The following SMAP2 variants were observed in gnomAD, a reference collection of about 807,000 sequenced individuals.
SMAP2 encodes the protein small ArfGAP2, also known as stromal membrane-associated protein 2.
In SMAP2, 25 loss-of-function variants were observed where a neutral mutation model predicts 56.4. The ratio of observed to expected loss-of-function variants is 0.44; its 90% CI spans 0.32 to 0.62. The LOEUF (loss-of-function observed/expected upper bound fraction) is 0.62. Among genes scored for constraint, SMAP2 ranks in the 20% least tolerant of loss-of-function variants. SMAP2 has a pLI of 0.04. For synonymous variants in SMAP2, 157 were observed against 181.7 expected (o/e 0.86, Z 1.09); for missense variants, 388 against 545.6 (o/e 0.71, Z 2.88).
intron 1 of SMAP2, among the ~76,000 whole-genome samples, chr1:40,376,165 G>T (rs1238229927): frequency 5.3e-5 from 8 of 151,986 alleles, no homozygotes; most frequent in Admixed American, 5.2e-4. Flanking sequence ...TGGCCAGGCT[G>T]GTCTTGAACT....
At chr1:40,413,686 TTGTC>T (rs1644959628) in intron 5 of SMAP2, among the ~76,000 whole-genome samples, 2 of 152,214 alleles carry the variant, frequency 1.3e-5, no homozygotes, top group African/African-American at 4.8e-5. Flanking sequence ...CTGAATCACA[TTGTC>T]TGTGGACACA....
intron 1 of SMAP2, among the ~76,000 whole-genome samples, chr1:40,353,700 C>T (rs1350512306): frequency 1.3e-5 from 2 of 152,086 alleles, no homozygotes; most frequent in Non-Finnish European, 2.9e-5. Context: ...GAGCCCTATC[C>T]TCAGAAGTTC....
At chr1:40,413,184 T>C (rs1309037078) in intron 5 of SMAP2, 82 bp downstream of exon 5, 1 of 999,600 alleles carries the variant, frequency 1.0e-6, no homozygotes, top group African/African-American at 1.6e-5. Flanking sequence ...GGTCTCGTGG[T>C]GAGTACCATT....
chr1:40,396,121 C>G (rs1437280298), intron 1 of SMAP2, among the ~76,000 whole-genome samples: 3 of 152,116 alleles, frequency 2.0e-5, no homozygotes, highest in Non-Finnish European at 4.4e-5. Context: ...CTTTCTTCTG[C>G]TAGAATCTCC....
intron 5 of SMAP2, among the ~76,000 whole-genome samples, chr1:40,413,485 G>C (rs1182700971): frequency 1.3e-5 from 2 of 152,230 alleles, no homozygotes; most frequent in Non-Finnish European, 2.9e-5. Flanking sequence ...CAGTCCAGAA[G>C]TGAGGCCATA....
At chr1:40,418,032 A>G (rs1645006721) in intron 9 of SMAP2, among the ~76,000 whole-genome samples, 1 of 152,242 alleles carries the variant, frequency 6.6e-6, no homozygotes, top group South Asian at 2.1e-4. Context: ...ATTTCACGTA[A>G]TGAATATTCT....
At chr1:40,401,249 C>T (rs534402059) in intron 1 of SMAP2, among the ~76,000 whole-genome samples, 43 of 152,222 alleles carry the variant, frequency 2.8e-4, no homozygotes, top group African/African-American at 9.4e-4. Context: ...GGTGACAGAG[C>T]GAGATTCCGT....
intron 1 of SMAP2, among the ~76,000 whole-genome samples, chr1:40,383,624 C>T (rs183091249): frequency 1.3e-5 from 2 of 152,316 alleles, no homozygotes; most frequent in Admixed American, 6.5e-5. Flanking sequence ...AATGTAACAA[C>T]TCAGTCATAG....
At chr1:40,367,949 C>A (rs1446529955) in intron 2 of SMAP2, among the ~76,000 whole-genome samples, 2 of 127,794 alleles carry the variant, frequency 1.6e-5, no homozygotes, top group African/African-American at 3.1e-5. Context: ...AATTGATAGA[C>A]CGCTAGCAAG....
At chr1:40,413,645 A>G (rs936461990) in intron 5 of SMAP2, among the ~76,000 whole-genome samples, 1 of 152,172 alleles carries the variant, frequency 6.6e-6, no homozygotes, top group African/African-American at 2.4e-5. Context: ...TTTACTTACT[A>G]TTGCTTAAGG....
Position 40,407,934 on chromosome 1 carries a change from C to T in SMAP2, c.238-719C>T, listed in dbSNP as rs548423684. Reference sequence around the variant, plus strand: ...TGATATAGCTTCATTATTTTTTATTCTCTTCCTACATTGAAACGCTTTAAT... The same window carrying T: ...TGATATAGCTTCATTATTTTTTATTTTCTTCCTACATTGAAACGCTTTAAT... On this transcript the variant is annotated intron_variant, in intron 2 of 9. Coordinates refer to ENST00000372718, the MANE Select transcript of SMAP2 (RefSeq NM_022733.3). Among the ~76,000 whole-genome samples, 13 of 152,212 alleles carry T rather than the reference C, an allele frequency of 8.5e-5. No individual in the cohort carries two copies. In the East Asian group the frequency reaches 2.5e-3, roughly 29 times the overall value.
At position 40,406,695 on chromosome 1, in the gene SMAP2, T is replaced by C. The variant is rs771708306; in HGVS notation, c.104-41T>C. On this transcript the variant is annotated intron_variant, in intron 1 of 9. Coordinates refer to ENST00000372718, the MANE Select transcript of SMAP2 (RefSeq NM_022733.3). ...AATATTGTAGTTTAGGCCTTGAATG[T>C]TGTAATTTGTACTTTATTGCCCTGT... is the stretch of plus-strand genomic sequence containing the variant. 7 of 1,573,698 alleles carry C rather than the reference T, an allele frequency of 4.4e-6. No homozygotes were observed. The East Asian group carries it at 1.6e-4, about 36-fold the overall frequency.
intron 1 of SMAP2, chr1:40,375,032 T>C: frequency 1.0e-6 from 1 of 985,400 alleles, no homozygotes; most frequent in Non-Finnish European, 1.2e-6. Context: ...AATATGATCA[T>C]TGTAAATTGG....
chr1:40,380,728 T>G (rs1644590257), intron 1 of SMAP2, among the ~76,000 whole-genome samples: 1 of 151,904 alleles, frequency 6.6e-6, no homozygotes, highest in South Asian at 2.1e-4. Context: ...AGGGGTTTCA[T>G]CATGTTGGCC....
At chr1:40,405,707 T>C (rs748301925) in intron 1 of SMAP2, among the ~76,000 whole-genome samples, 4 of 152,186 alleles carry the variant, frequency 2.6e-5, no homozygotes, top group Non-Finnish European at 5.9e-5. Context: ...GAGAAGGAAG[T>C]ATTTCTGATT....
intron 1 of SMAP2, among the ~76,000 whole-genome samples, chr1:40,393,864 A>C (rs61620963): frequency 0.024 from 3,700 of 152,182 alleles, 60 homozygotes; most frequent in African/African-American, 0.043. Context: ...CTTTTTAAGG[A>C]GTATTTGCGT....
At chr1:40,413,534 T>C (rs1367390963) in intron 5 of SMAP2, among the ~76,000 whole-genome samples, 2 of 152,238 alleles carry the variant, frequency 1.3e-5, no homozygotes, top group Non-Finnish European at 2.9e-5. Context: ...TGTTCTTGCT[T>C]TGTCATGTTG....
intron 1 of SMAP2, among the ~76,000 whole-genome samples, chr1:40,351,889 C>T (rs940730731): frequency 2.0e-5 from 3 of 151,936 alleles, no homozygotes; most frequent in Admixed American, 6.6e-5. Flanking sequence ...CTACCCACCT[C>T]GGCCTCCCAA....
At chr1:40,372,085 G>A (rs901998876), upstream of SMAP2, among the ~76,000 whole-genome samples, 14 of 152,288 alleles carry the variant, frequency 9.2e-5, 1 homozygote, top group East Asian at 5.8e-4. Flanking sequence ...AGCCACTAAA[G>A]GATTTTTTAA....
Sources: gnomAD v4.1 joint callset for allele counts (sites outside exome capture counted in the v4.1 genomes callset) on GRCh38, gnomAD v4.1.1 for gene constraint, MANE v1.5 for transcripts, NCBI Gene and HGNC (gene_info 2026-07-23, HGNC 2026-07-21) for gene names.